KLHL1: variants seen among roughly 807,000 people sequenced by gnomAD.
The protein encoded by KLHL1 is kelch-like protein 1.
A neutral mutation model predicts 77.7 loss-of-function variants in KLHL1; 47 were observed. The observed-to-expected ratio is 0.60, with a 90% CI of 0.48 to 0.77. KLHL1 has a LOEUF of 0.77. KLHL1 is among the 30% of genes least tolerant of loss of function. KLHL1 has a pLI of 0.00. For missense variants in KLHL1, 925 were observed against 910.8 expected, an observed-to-expected ratio of 1.02 and a Z score of -0.20; for synonymous variants, 360 against 325.2, an observed-to-expected ratio of 1.11 and a Z score of -1.15.
intron 8 of KLHL1, among the ~76,000 whole-genome samples, chr13:69,730,817 C>T (rs985853299): frequency 5.9e-5 from 9 of 152,026 alleles, no homozygotes; most frequent in African/African-American, 2.2e-4. Context: ...TGGACTCAAG[C>T]AATCCTCTCA....
chr13:69,815,078 G>GAA (rs1380724257), intron 6 of KLHL1, among the ~76,000 whole-genome samples: 1 of 152,228 alleles, frequency 6.6e-6, no homozygotes, highest in Admixed American at 6.5e-5. Context: ...ATTATGAAGA[G>GAA]AAGGGAATGC....
intron 6 of KLHL1, among the ~76,000 whole-genome samples, chr13:69,804,095 A>G (rs1877508845): frequency 6.6e-6 from 1 of 152,180 alleles, no homozygotes; most frequent in Admixed American, 6.5e-5. Context: ...CATTTTTACA[A>G]TTTATAAAGT....
chr13:69,748,516 C>G (rs1021353201), intron 7 of KLHL1, among the ~76,000 whole-genome samples: 2 of 151,926 alleles, frequency 1.3e-5, no homozygotes, highest in Non-Finnish European at 2.9e-5. Context: ...AATTATCTCC[C>G]CCTGGGTCCC....
intron 1 of KLHL1, among the ~76,000 whole-genome samples, chr13:70,072,704 T>C (rs919268405): frequency 3.3e-5 from 5 of 152,116 alleles, no homozygotes; most frequent in East Asian, 1.9e-4. Flanking sequence ...AGGGGGATTA[T>C]ATCAATAGAT....
intron 1 of KLHL1, among the ~76,000 whole-genome samples, chr13:70,044,946 T>C (rs1313430598): frequency 6.6e-6 from 1 of 152,182 alleles, no homozygotes; most frequent in Non-Finnish European, 1.5e-5. Context: ...AGAATAACCT[T>C]GGGAAAGTCA....
At chr13:70,090,768 T>C (rs1027971246) in intron 1 of KLHL1, among the ~76,000 whole-genome samples, 5 of 152,090 alleles carry the variant, frequency 3.3e-5, no homozygotes, top group Admixed American at 3.3e-4. Flanking sequence ...AACATCCATG[T>C]TGAATAAATG....
intron 4 of KLHL1, among the ~76,000 whole-genome samples, chr13:69,885,187 G>A (rs1286442597): frequency 7.3e-6 from 1 of 136,528 alleles, no homozygotes; most frequent in Non-Finnish European, 1.5e-5. Context: ...TGATCCACCC[G>A]CCTCGGCCTC....
intron 6 of KLHL1, among the ~76,000 whole-genome samples, chr13:69,829,283 C>T (rs1044017064): frequency 2.0e-5 from 3 of 149,814 alleles, no homozygotes; most frequent in Admixed American, 6.7e-5. Context: ...CAGACACTCC[C>T]CAGTACCACC....
intron 2 of KLHL1, among the ~76,000 whole-genome samples, chr13:69,965,527 C>T (rs1485401348): frequency 6.6e-6 from 1 of 152,088 alleles, no homozygotes; most frequent in Non-Finnish European, 1.5e-5. Flanking sequence ...TAAAACTAGG[C>T]CTACTAATAA....
At chr13:69,923,147 C>G (rs1882699101) in intron 4 of KLHL1, among the ~76,000 whole-genome samples, 1 of 152,150 alleles carries the variant, frequency 6.6e-6, no homozygotes, top group East Asian at 1.9e-4. Context: ...GAAGGTTCAT[C>G]AAATGGTAAA....
At chr13:69,962,361 A>T (rs1171627801) in intron 2 of KLHL1, among the ~76,000 whole-genome samples, 2 of 151,898 alleles carry the variant, frequency 1.3e-5, no homozygotes, top group Non-Finnish European at 2.9e-5. Context: ...TGATTCTGCT[A>T]TTTCTTTTTA....
chr13:70,078,649 A>G (rs150779418), intron 1 of KLHL1, among the ~76,000 whole-genome samples: 2 of 152,254 alleles, frequency 1.3e-5, no homozygotes, highest in Middle Eastern at 3.4e-3. Context: ...TTGCCTTCAA[A>G]TCTATAAAAG....
rs576342466 is a variant in KLHL1 at position 70,107,949 on chromosome 13, C to A, written c.-250G>T. 14 of 463,668 alleles carry A rather than the reference C, an allele frequency of 3.0e-5. No individual in the cohort carries two copies. In the South Asian group the frequency reaches 6.9e-4, roughly 23 times the overall value. The allele number at this position is 463,668 out of a possible 1,614,324, so 28.7% of individuals were successfully genotyped here. A position where few individuals can be genotyped will look rare whatever the true frequency, so the allele number is the denominator to read the frequency against. On this transcript the variant is annotated 5_prime_UTR_variant, in exon 1 of 11. Transcript: ENST00000377844. ...GCGTGGGGACACCACCAGGCAGGAG[C>A]AGAGGCAGGACTGGGACGCCAAAAG...
At chr13:70,021,375 G>A (rs932290163) in intron 1 of KLHL1, among the ~76,000 whole-genome samples, 2 of 151,892 alleles carry the variant, frequency 1.3e-5, no homozygotes, top group Non-Finnish European at 2.9e-5. Context: ...ATATCCTATT[G>A]GCTGGATATA....
chr13:69,807,307 C>G (rs1220243034), intron 6 of KLHL1, among the ~76,000 whole-genome samples: 1 of 152,028 alleles, frequency 6.6e-6, no homozygotes, highest in Non-Finnish European at 1.5e-5. Flanking sequence ...CTGGACCAAG[C>G]CCACCCTTGG....
intron 2 of KLHL1, among the ~76,000 whole-genome samples, chr13:69,964,045 G>GTTTC (rs1884143896): frequency 1.1e-5 from 1 of 90,388 alleles, no homozygotes; most frequent in African/African-American, 4.1e-5. Context: ...TTTTTTGTCA[G>GTTTC]TTTGTTTGTT....
chr13:69,950,503 T>C (rs1275930515), intron 3 of KLHL1, among the ~76,000 whole-genome samples: 1 of 151,582 alleles, frequency 6.6e-6, no homozygotes, highest in Non-Finnish European at 1.5e-5. Flanking sequence ...CTCTCACTAA[T>C]TTCCATGGAG....
intron 1 of KLHL1, among the ~76,000 whole-genome samples, chr13:69,982,142 T>C (rs1035068726): frequency 2.0e-5 from 3 of 151,942 alleles, no homozygotes; most frequent in Admixed American, 1.3e-4. Context: ...AAACCTATTA[T>C]AGATACATTA....
At chr13:70,032,889 T>A (rs1285497360) in intron 1 of KLHL1, among the ~76,000 whole-genome samples, 1 of 152,208 alleles carries the variant, frequency 6.6e-6, no homozygotes, top group African/African-American at 2.4e-5. Context: ...TTGCCATTTT[T>A]TTATGGTCAT....
Sources: gnomAD v4.1 joint callset for allele counts (sites outside exome capture counted in the v4.1 genomes callset) on GRCh38, gnomAD v4.1.1 for gene constraint, MANE v1.5 for transcripts, NCBI Gene and HGNC (gene_info 2026-07-23, HGNC 2026-07-21) for gene names.